Variants in CHN1 observed in about 807,000 individuals in gnomAD.
CHN1 encodes chimerin 1.
In CHN1, 37 loss-of-function variants were observed where a neutral mutation model predicts 59.5. The observed-to-expected ratio is 0.62, with a 90% CI of 0.48 to 0.82. The LOEUF is 0.82. Among genes scored for constraint, CHN1 ranks in the 40% least tolerant of loss-of-function variants. The pLI is 0.00. For synonymous variants in CHN1, 206 were observed against 200.4 expected (o/e 1.03, Z -0.24); for missense variants, 469 against 571.0 (o/e 0.82, Z 1.82).
intron 1 of CHN1, among the ~76,000 whole-genome samples, chr2:174,954,406 C>A (rs555791289): frequency 6.6e-6 from 1 of 152,066 alleles, no homozygotes; most frequent in African/African-American, 2.4e-5. Flanking sequence ...TGACCAAGAA[C>A]CCAAAAGCAA....
chr2:174,834,266 C>G (rs1685987824), intron 7 of CHN1, among the ~76,000 whole-genome samples: 1 of 152,178 alleles, frequency 6.6e-6, no homozygotes, highest in African/African-American at 2.4e-5. Flanking sequence ...AATATATTAC[C>G]ATTTTTGCCT....
Position 174,915,137 on chromosome 2 carries a change from G to A in CHN1, c.181C>T (p.Gln61Ter). The change falls in exon 5 of 13, where the codon CAG becomes TAG. Residue 61 changes from glutamine to a stop codon, truncating the protein, a stop_gained. Transcript: ENST00000409900. LOFTEE classifies it high-confidence loss of function. ...CTCCCCTCAGCCACAATCAAGAGCT[G>A]GTCGGCTGCTTCTCTGGAGATCATG... ...HGMISREAAD[Q>*]LLIVAEGSYL... 6.2e-7 allele frequency: 1 copy of A among 1,611,776 alleles called. No homozygotes were observed. Among genetic ancestry groups the A allele is most frequent in the Non-Finnish European group, 8.5e-7 (1 of 1,179,016 alleles).
chr2:174,977,152 C>T (rs192041521), intron 1 of CHN1, among the ~76,000 whole-genome samples: 18 of 152,304 alleles, frequency 1.2e-4, no homozygotes, highest in African/African-American at 4.3e-4. Flanking sequence ...ACAAACCCGC[C>T]TGTCTCAACG....
chr2:174,844,975 AC>A (rs892435916), intron 7 of CHN1, among the ~76,000 whole-genome samples: 18 of 152,176 alleles, frequency 1.2e-4, no homozygotes, highest in African/African-American at 4.1e-4. Flanking sequence ...TAAAAAAAAC[AC>A]CCAAGTATCT....
intron 1 of CHN1, among the ~76,000 whole-genome samples, chr2:174,967,491 C>T (rs1174903331): frequency 6.6e-6 from 1 of 152,082 alleles, no homozygotes; most frequent in Non-Finnish European, 1.5e-5. Flanking sequence ...TTCCAATGTT[C>T]GTGTTCCAAT....
intron 1 of CHN1, among the ~76,000 whole-genome samples, chr2:174,979,865 A>G (rs6761491): frequency 0.072 from 10,891 of 152,154 alleles, 1,384 homozygotes; most frequent in African/African-American, 0.25. Flanking sequence ...TGGCGAAAGA[A>G]CAAAACTCCA....
intron 1 of CHN1, among the ~76,000 whole-genome samples, chr2:174,976,375 TCACAGACGCC>T (rs938336918): frequency 6.6e-6 from 1 of 151,792 alleles, no homozygotes; most frequent in African/African-American, 2.4e-5. Context: ...GTAGCTGGGA[TCACAGACGCC>T]CACCACCATG....
intron 5 of CHN1, among the ~76,000 whole-genome samples, chr2:174,901,416 G>C (rs1688385820): frequency 6.6e-6 from 1 of 152,138 alleles, no homozygotes; most frequent in South Asian, 2.1e-4. Flanking sequence ...TCTCAGAAAA[G>C]CCTTCCCTGA....
chr2:174,878,216 T>C (rs1687633351), intron 5 of CHN1, 88 bp from the exon 6 acceptor site: 4 of 1,237,576 alleles, frequency 3.2e-6, no homozygotes, highest in Non-Finnish European at 4.4e-6. Context: ...AAAAAAACTA[T>C]CGCTTTGTTT....
intron 7 of CHN1, among the ~76,000 whole-genome samples, chr2:174,840,436 G>T (rs951211654): frequency 2.0e-5 from 3 of 152,092 alleles, no homozygotes; most frequent in African/African-American, 7.2e-5. Context: ...AAAGTGTAGG[G>T]ATTACAGGCA....
chr2:174,990,622 T>G (rs935842034), intron 1 of CHN1, among the ~76,000 whole-genome samples: 2 of 152,176 alleles, frequency 1.3e-5, no homozygotes, highest in African/African-American at 4.8e-5. Flanking sequence ...GTATTATTAA[T>G]CCATCTTGTT....
At position 174,800,281 on chromosome 2, in the gene CHN1, G is replaced by C. The variant is rs1397041450; in HGVS notation, c.1215C>G (p.Thr405=). The change falls in exon 13 of 13, where the codon ACC becomes ACG. Residue 405 remains threonine, a synonymous_variant. Coordinates refer to ENST00000409900, the MANE Select transcript of CHN1 (RefSeq NM_001822.7). ...RYLMAHLKRV[T]LHEKENLMNA... is the part of the protein sequence containing the mutation. ...TCATAAGATTCTCCTTTTCGTGGAG[G>C]GTCACTCTGAAAAATGCAAGTACAG... The C allele has an allele frequency of 1.4e-6, 2 of 1,428,164 alleles. No homozygotes were observed. Among genetic ancestry groups the C allele is most frequent in the East Asian group, 4.8e-5 (2 of 41,706 alleles). The allele number at this position is 1,428,164 out of a possible 1,614,324, so 88.5% of individuals were successfully genotyped here.
chr2:174,838,512 A>C (rs951823874), intron 7 of CHN1, among the ~76,000 whole-genome samples: 1 of 152,188 alleles, frequency 6.6e-6, no homozygotes, highest in Non-Finnish European at 1.5e-5. Context: ...CAGAGACATG[A>C]AATATTACAT....
At chr2:174,930,302 G>C (rs1689297876) in intron 3 of CHN1, among the ~76,000 whole-genome samples, 1 of 152,168 alleles carries the variant, frequency 6.6e-6, no homozygotes, top group Non-Finnish European at 1.5e-5. Context: ...TGTATTACTT[G>C]GTGATTATTG....
intron 3 of CHN1, among the ~76,000 whole-genome samples, chr2:174,930,822 T>C (rs566247821): frequency 6.6e-6 from 1 of 151,958 alleles, no homozygotes; most frequent in Non-Finnish European, 1.5e-5. Context: ...TGGAGTGCAG[T>C]GGCGCGATCT....
chr2:174,853,995 A>G (rs1686824465), intron 6 of CHN1, among the ~76,000 whole-genome samples: 1 of 152,138 alleles, frequency 6.6e-6, no homozygotes, highest in Admixed American at 6.6e-5. Flanking sequence ...TATGTTCGCT[A>G]CCTGAGTGCA....
chr2:175,000,366 C>T (rs988849857), intron 1 of CHN1, among the ~76,000 whole-genome samples: 1 of 151,560 alleles, frequency 6.6e-6, no homozygotes, highest in African/African-American at 2.4e-5. Flanking sequence ...CTTGAACTCC[C>T]GACCTCAAGT....
In CHN1 at chr2:174,869,447, G is replaced by C. The variant is rs144865884; in HGVS notation, c.549+8393C>G. On this transcript the variant is annotated intron_variant, in intron 6 of 12. Coordinates refer to ENST00000409900, the MANE Select transcript of CHN1 (RefSeq NM_001822.7). ...TTCAAATATAAGAAACTAAAAATAA[G>C]ATGTCACCTGTTAGGTCAACAATTT... Among the ~76,000 whole-genome samples the C allele has an allele frequency of 5.8e-3, 887 of 152,132 alleles. 5 individuals carry two copies. The highest frequency in any genetic ancestry group is 8.8e-3 in the Non-Finnish European group (595 of 67,982).
intron 1 of CHN1, among the ~76,000 whole-genome samples, chr2:174,955,358 C>T (rs552159593): frequency 6.6e-6 from 1 of 151,624 alleles, no homozygotes; most frequent in Non-Finnish European, 1.5e-5. Context: ...GAATTGGAGA[C>T]CATTATTTTA....
Sources: allele counts gnomAD v4.1 joint callset (sites outside exome capture counted in the v4.1 genomes callset), GRCh38; gene constraint gnomAD v4.1.1; transcripts MANE v1.5; gene names NCBI Gene and HGNC (gene_info 2026-07-23, HGNC 2026-07-21).